Variants in CD1A observed in about 807,000 individuals in gnomAD.
CD1A encodes CD1a molecule.
CD1A carries 50 observed loss-of-function variants against 38.3 expected under a neutral mutation model. The ratio of observed to expected loss-of-function variants is 1.30; its 90% CI spans 1.04 to 1.65. CD1A has a LOEUF of 1.65. Among genes scored for constraint, CD1A ranks in the 40% most tolerant of loss-of-function variants. The pLI, the probability that CD1A is intolerant of heterozygous loss-of-function variation, is 0.00. For synonymous variants in CD1A, 160 were observed against 150.8 expected (o/e 1.06, Z -0.45); for missense variants, 459 against 406.1 (o/e 1.13, Z -1.12).
Position 158,257,856 on chromosome 1 carries a change from T to C in CD1A, c.*166T>C. ...TTTCTGATTAATGATTGTTTGTCAA[T>C]ATAAGCTCAATTTAATTTTGCAGGA... On this transcript the variant is annotated 3_prime_UTR_variant, in exon 6 of 6. Transcript: ENST00000289429. 1 of 644,802 alleles carries C rather than the reference T, an allele frequency of 1.6e-6. No homozygotes were observed. Among genetic ancestry groups the C allele is most frequent in the Non-Finnish European group, 2.8e-6 (1 of 363,514 alleles). The allele number at this position is 644,802 out of a possible 1,614,324, so 39.9% of individuals were successfully genotyped here.
intron 3 of CD1A, 76 bp downstream of exon 3, chr1:158,256,358 A>C: frequency 7.0e-7 from 1 of 1,427,688 alleles, no homozygotes; most frequent in Non-Finnish European, 9.6e-7. Context: ...CCAATTTAGA[A>C]TAAGGAAGAG....
upstream of CD1A, among the ~76,000 whole-genome samples, chr1:158,253,003 A>G (rs1558065004): frequency 2.0e-5 from 3 of 152,216 alleles, no homozygotes; most frequent in Admixed American, 6.5e-5. Context: ...AGGCTGACAC[A>G]GGAGGATTGC....
chr1:158,249,783 G>A (rs1002840376), upstream of CD1A, among the ~76,000 whole-genome samples: 7 of 152,178 alleles, frequency 4.6e-5, no homozygotes, highest in African/African-American at 1.7e-4. Flanking sequence ...TGTGAGCACA[G>A]AGGCTCTTAG....
At chr1:158,251,242 G>A (rs1220472938), upstream of CD1A, among the ~76,000 whole-genome samples, 2 of 152,214 alleles carry the variant, frequency 1.3e-5, no homozygotes, top group Non-Finnish European at 2.9e-5. Flanking sequence ...GTAGGCAGAA[G>A]AGGAGGAGGA....
At chr1:158,248,374 GA>G in the CD1A span, 7 of 985,214 alleles carry the variant, frequency 7.1e-6, no homozygotes, top group Non-Finnish European at 7.2e-6. Context: ...GGGGAAGGAA[GA>G]ATTTAGGAGC....
Position 158,254,477 on chromosome 1 carries a change from C to A in CD1A, c.-193C>A, listed in dbSNP as rs924893912. 1.4e-6 allele frequency: 2 copies of A among 1,418,652 alleles called. No individual in the cohort carries two copies. Among genetic ancestry groups the A allele is most frequent in the Admixed American group, 2.7e-5 (1 of 37,374 alleles). 87.9% of individuals were successfully genotyped at this position (1,418,652 alleles called of 1,614,324 possible). ...GCTGGAACAGAGAGGAGAGTCAGAA[C>A]CAGAGGGAAATGAGAGACTGAGTAG... On this transcript the variant is annotated 5_prime_UTR_variant, in exon 1 of 6. Coordinates refer to ENST00000289429, the MANE Select transcript of CD1A (RefSeq NM_001763.3).
rs373749635 is a variant in CD1A at position 158,255,907 on chromosome 1, AC to A, written c.326-94del. Reference sequence around the variant, plus strand: ...ACCAAATTTTATTCCATTATGTCAAACCCTGCACACTTCCCCCTTCTGCTTC... The same window carrying A: ...ACCAAATTTTATTCCATTATGTCAAACCTGCACACTTCCCCCTTCTGCTTC... On this transcript the variant is annotated intron_variant, in intron 2 of 5. Coordinates refer to ENST00000289429, the MANE Select transcript of CD1A (RefSeq NM_001763.3). 3.0e-4 allele frequency: 374 copies of A among 1,244,762 alleles called. 3 individuals carry two copies. The African/African-American group carries it at 4.1e-3, about 14-fold the overall frequency. The allele number at this position is 1,244,762 out of a possible 1,614,324, so 77.1% of individuals were successfully genotyped here. A position where few individuals can be genotyped will look rare whatever the true frequency, so the allele number is the denominator to read the frequency against.
At chr1:158,257,117 A>G in intron 4 of CD1A, 53 bp downstream of exon 4, 1 of 1,548,898 alleles carries the variant, frequency 6.5e-7, no homozygotes, top group South Asian at 1.3e-5. Flanking sequence ...GACCTCAGGC[A>G]TAGAGGGAGG....
chr1:158,256,255 G>T lies in CD1A; in HGVS notation c.577G>T (p.Ala193Ser), dbSNP rs1650254336. The change falls in exon 3 of 6, where the codon GCA becomes TCA. Residue 193 changes from alanine (A) to serine (S), a missense_variant. Physicochemically the swap from Ala to Ser is moderately conservative, Grantham distance 99. Transcript: ENST00000289429. ...CPRFILGLLDAGKAHLQRQVK... is the reference protein window; with the variant it reads ...CPRFILGLLDSGKAHLQRQVK... ...ACGTTTCATCTTGGGTCTTCTTGAT[G>T]CAGGAAAGGCACATCTCCAGCGGCA... The T allele has an allele frequency of 6.2e-7, 1 of 1,613,898 alleles. No individual in the cohort carries two copies. The highest frequency in any genetic ancestry group is 8.5e-7 in the Non-Finnish European group (1 of 1,180,020).
chr1:158,256,724 A>T, intron 3 of CD1A, 62 bp from the exon 4 acceptor site: 1 of 1,553,580 alleles, frequency 6.4e-7, no homozygotes, highest in Non-Finnish European at 8.7e-7. Context: ...CTAAACTTCT[A>T]AACTGTTGTG....
chr1:158,254,501 A>G lies in CD1A; in HGVS notation c.-169A>G. On this transcript the variant is annotated 5_prime_UTR_variant, in exon 1 of 6. Transcript: ENST00000289429. ...ACCAGAGGGAAATGAGAGACTGAGT[A>G]GGCATCTCAGGGTTTTTGAAGGAGT... is the stretch of plus-strand genomic sequence containing the variant. 1 of 1,454,602 alleles carries G rather than the reference A, an allele frequency of 6.9e-7. No homozygotes were observed. The highest frequency in any genetic ancestry group is 1.4e-5 in the South Asian group (1 of 71,726). 90.1% of individuals were successfully genotyped at this position (1,454,602 alleles called of 1,614,324 possible).
At chr1:158,252,118 C>T (rs189828521), upstream of CD1A, among the ~76,000 whole-genome samples, 96 of 149,680 alleles carry the variant, frequency 6.4e-4, 1 homozygote, top group African/African-American at 1.8e-3. Context: ...TGTGAGCCAC[C>T]GCACCCGGCC....
chr1:158,249,407 C>G, the CD1A span, among the ~76,000 whole-genome samples: 7 of 152,050 alleles, frequency 4.6e-5, no homozygotes, highest in Non-Finnish European at 7.4e-5. Context: ...CTGGATGTGT[C>G]CTTACATGGT....
chr1:158,251,209 C>A (rs964734281), upstream of CD1A, among the ~76,000 whole-genome samples: 1 of 152,104 alleles, frequency 6.6e-6, no homozygotes, highest in Non-Finnish European at 1.5e-5. Flanking sequence ...ATCACATGTT[C>A]GTCTTCATTG....
At chr1:158,250,812 G>A (rs1172012192), upstream of CD1A, among the ~76,000 whole-genome samples, 1 of 152,104 alleles carries the variant, frequency 6.6e-6, no homozygotes, top group Non-Finnish European at 1.5e-5. Flanking sequence ...TTTGAATGAG[G>A]GAGAAGCCTC....
In CD1A at chr1:158,255,272, C is replaced by G. The variant is rs1273409390; in HGVS notation, c.247C>G (p.Leu83Val). 6.2e-7 allele frequency: 1 copy of G among 1,614,050 alleles called. No individual in the cohort carries two copies. The stretch of plus-strand genomic sequence containing the variant: ...CTTCAGCAATGAGGAGTGGAAGGAA[C>G]TGGAAACATTATTCCGTATACGCAC... ...GNFSNEEWKE[L>V]ETLFRIRTIR... Residue 83 changes from leucine to valine, a missense_variant, in exon 2 of 6, where the codon CTG (leucine) becomes GTG (valine). Coordinates refer to ENST00000289429, the MANE Select transcript of CD1A (RefSeq NM_001763.3).
chr1:158,256,558 T>C lies in CD1A; in HGVS notation c.605-228T>C, dbSNP rs188830285. ...GGTGGTACACACCTGTAGTCCCAGT[T>C]ACTTAAGAGGCTGAGGCAGGAGGAT... On this transcript the variant is annotated intron_variant, in intron 3 of 5. Coordinates refer to ENST00000289429, the MANE Select transcript of CD1A (RefSeq NM_001763.3). Among the ~76,000 whole-genome samples the C allele has an allele frequency of 2.0e-3, 309 of 152,162 alleles. 1 individual carries two copies. Among genetic ancestry groups the C allele is most frequent in the South Asian group, 6.4e-3 (31 of 4,818 alleles).
intron 2 of CD1A, 111 bp from the exon 3 acceptor site, chr1:158,255,892 AT>A (rs1355635007): frequency 4.6e-6 from 5 of 1,093,546 alleles, no homozygotes; most frequent in Non-Finnish European, 6.5e-6. Context: ...ACCAAATTTT[AT>A]TCCATTATGT....
At chr1:158,256,327 A>T in intron 3 of CD1A, 45 bp downstream of exon 3, 1 of 1,560,310 alleles carries the variant, frequency 6.4e-7, no homozygotes, top group Non-Finnish European at 8.7e-7. Flanking sequence ...TTTGAAAATC[A>T]TACCCTTCCA....
Sources: allele counts gnomAD v4.1 joint callset (sites outside exome capture counted in the v4.1 genomes callset), GRCh38; gene constraint gnomAD v4.1.1; transcripts MANE v1.5; gene names NCBI Gene and HGNC (gene_info 2026-07-23, HGNC 2026-07-21).